DLG2: variants seen among roughly 807,000 people sequenced by gnomAD.
DLG2 encodes disks large homolog 2.
A neutral mutation model predicts 132.5 loss-of-function variants in DLG2; 45 were observed. The observed-to-expected ratio is 0.34, with a 90% CI of 0.27 to 0.44. The LOEUF is 0.44. DLG2 is among the 20% of genes least tolerant of loss of function. DLG2 has a pLI of 1.00. For missense variants in DLG2, 1,045 were observed against 1,196.9 expected, an observed-to-expected ratio of 0.87 and a Z score of 1.87; for synonymous variants, 424 against 419.6, an observed-to-expected ratio of 1.01 and a Z score of -0.13.
At chr11:84,975,877 A>C (rs2054829407) in intron 6 of DLG2, among the ~76,000 whole-genome samples, 2 of 152,114 alleles carry the variant, frequency 1.3e-5, no homozygotes. Context: ...CATGTTTAGC[A>C]CTTCCATTCT....
At chr11:83,960,893 A>G (rs2088527702) in intron 14 of DLG2, among the ~76,000 whole-genome samples, 1 of 152,000 alleles carries the variant, frequency 6.6e-6, no homozygotes, top group Non-Finnish European at 1.5e-5. Flanking sequence ...GTGAACTAAC[A>G]TAATTTACTT....
chr11:84,979,798 A>G (rs1344917178), intron 6 of DLG2, among the ~76,000 whole-genome samples: 1 of 152,128 alleles, frequency 6.6e-6, no homozygotes, highest in Non-Finnish European at 1.5e-5. Context: ...TAGAACTTAA[A>G]GTATAATCAT....
chr11:83,962,431 T>C (rs148388686), intron 14 of DLG2, among the ~76,000 whole-genome samples: 1 of 152,052 alleles, frequency 6.6e-6, no homozygotes, highest in Non-Finnish European at 1.5e-5. Context: ...TTTGTATTCC[T>C]TTGCCAAATG....
intron 12 of DLG2, among the ~76,000 whole-genome samples, chr11:83,973,344 T>C (rs1395281945): frequency 1.3e-5 from 2 of 152,106 alleles, no homozygotes; most frequent in South Asian, 2.1e-4. Flanking sequence ...AAGAGTGCAA[T>C]AGGAGGTTCT....
chr11:84,030,691 C>T (rs767791086), intron 11 of DLG2, among the ~76,000 whole-genome samples: 23 of 152,162 alleles, frequency 1.5e-4, no homozygotes, highest in Non-Finnish European at 2.8e-4. Context: ...ATCATAAATC[C>T]AGATAGTTGC....
intron 6 of DLG2, among the ~76,000 whole-genome samples, chr11:84,611,468 T>C (rs2099595466): frequency 6.6e-6 from 1 of 152,120 alleles, no homozygotes; most frequent in African/African-American, 2.4e-5. Context: ...CCTGGAAGCC[T>C]GATGGGGTCA....
intron 4 of DLG2, among the ~76,000 whole-genome samples, chr11:85,254,698 C>T (rs2076574359): frequency 6.6e-6 from 1 of 152,130 alleles, no homozygotes; most frequent in Non-Finnish European, 1.5e-5. Context: ...AATCAATTAG[C>T]ATTTGTATTT....
At chr11:84,564,132 G>A (rs1348392612) in intron 6 of DLG2, among the ~76,000 whole-genome samples, 3 of 152,196 alleles carry the variant, frequency 2.0e-5, no homozygotes, top group Non-Finnish European at 4.4e-5. Flanking sequence ...TCCAGGGTAA[G>A]CCTATTGCAA....
chr11:84,524,282 T>G (rs1449200853), intron 7 of DLG2, among the ~76,000 whole-genome samples: 1 of 152,228 alleles, frequency 6.6e-6, no homozygotes, highest in East Asian at 1.9e-4. Flanking sequence ...GAGATGCTGG[T>G]TCAGTCCTAT....
chr11:85,254,843 A>C (rs543457648), intron 4 of DLG2, among the ~76,000 whole-genome samples: 9 of 152,192 alleles, frequency 5.9e-5, no homozygotes, highest in Non-Finnish European at 1.2e-4. Context: ...TACTAAAAAT[A>C]CAAAAAAATT....
At position 85,464,774 on chromosome 11, in the gene DLG2, G is replaced by C. The variant is rs1188506491; in HGVS notation, c.40+133883C>G. On this transcript the variant is annotated intron_variant, in intron 3 of 27. Transcript: ENST00000376104. ...AGTTTAGTTTGGGAAGACAGCTTGG[G>C]GGTCAGAAGCATGATTGAGGCCAGG... 3.3e-5 allele frequency among the ~76,000 whole-genome samples: 5 copies of C among 151,608 alleles called. No homozygotes were observed. The East Asian group carries it at 9.7e-4, about 29-fold the overall frequency.
intron 3 of DLG2, among the ~76,000 whole-genome samples, chr11:85,479,373 C>T (rs1353641077): frequency 6.6e-6 from 1 of 152,182 alleles, no homozygotes; most frequent in East Asian, 1.9e-4. Flanking sequence ...GACCTCTTTC[C>T]TAAAGGCACA....
intron 6 of DLG2, among the ~76,000 whole-genome samples, chr11:85,000,189 T>C (rs553227883): frequency 6.6e-6 from 1 of 152,180 alleles, no homozygotes; most frequent in Non-Finnish European, 1.5e-5. Flanking sequence ...TGTGTGCTCA[T>C]TATAAGCCTG....
intron 3 of DLG2, among the ~76,000 whole-genome samples, chr11:85,482,307 A>T (rs2093316469): frequency 2.0e-5 from 3 of 151,936 alleles, no homozygotes; most frequent in Non-Finnish European, 4.4e-5. Context: ...TCCCACCCCA[A>T]TGCCAGCTTG....
intron 6 of DLG2, among the ~76,000 whole-genome samples, chr11:84,710,909 A>G (rs2060310463): frequency 1.3e-5 from 2 of 150,734 alleles, no homozygotes; most frequent in Admixed American, 1.3e-4. Flanking sequence ...ATCTGACACC[A>G]TCATTTAAAT....
intron 3 of DLG2, among the ~76,000 whole-genome samples, chr11:85,418,802 C>T (rs1294679943): frequency 6.6e-6 from 1 of 152,128 alleles, no homozygotes. Flanking sequence ...CCTTCCATCC[C>T]TTTATTTTGA....
intron 18 of DLG2, among the ~76,000 whole-genome samples, chr11:83,640,234 G>T (rs918005953): frequency 6.6e-6 from 1 of 152,114 alleles, no homozygotes; most frequent in Admixed American, 6.6e-5. Flanking sequence ...GTACACACGC[G>T]ATGCTTTAAA....
intron 15 of DLG2, among the ~76,000 whole-genome samples, chr11:83,892,429 A>T (rs185981213): frequency 6.6e-6 from 1 of 152,330 alleles, no homozygotes; most frequent in Admixed American, 6.5e-5. Flanking sequence ...TTACCAATAT[A>T]AGGCAAATAT....
At chr11:85,181,757 T>G (rs2079718748) in intron 4 of DLG2, among the ~76,000 whole-genome samples, 1 of 151,718 alleles carries the variant, frequency 6.6e-6, no homozygotes, top group Admixed American at 6.6e-5. Context: ...TGAATATTGT[T>G]TTCCAGTAGA....
Sources: gnomAD v4.1 joint callset for allele counts (sites outside exome capture counted in the v4.1 genomes callset) on GRCh38, gnomAD v4.1.1 for gene constraint, MANE v1.5 for transcripts, NCBI Gene and HGNC (gene_info 2026-07-23, HGNC 2026-07-21) for gene names.